Variants in BEST4 observed in about 807,000 individuals in gnomAD.
The protein encoded by BEST4 is bestrophin-4.
BEST4 carries 36 observed loss-of-function variants against 47.1 expected under a neutral mutation model. The ratio of observed to expected loss-of-function variants is 0.76; its 90% CI spans 0.59 to 1.01. The LOEUF is 1.01. BEST4 is among the 50% of genes least tolerant of loss of function. The probability of loss-of-function intolerance (pLI) is 0.00; values close to 1 mark genes in which losing one functional copy is unlikely to be tolerated. For missense variants in BEST4, 550 were observed against 648.6 expected (o/e 0.85, Z 1.65); for synonymous variants, 250 against 277.8 (o/e 0.90, Z 1.00).
In BEST4 at chr1:44,785,136, T is replaced by C; in HGVS notation, c.884A>G (p.Gln295Arg). 3 of 1,613,960 alleles carry C rather than the reference T, an allele frequency of 1.9e-6. No homozygotes were observed. The highest frequency in any genetic ancestry group is 2.5e-6 in the Non-Finnish European group (3 of 1,179,948). ...DMYVPLTTLL[Q>R]FFFYAGWLKV... Reference sequence around the variant, plus strand: ...GAGCCAGCCAGCATAGAAGAAGAACTGCAGCAGAGTGGTGAGAGGCACGTA... The same window carrying C: ...GAGCCAGCCAGCATAGAAGAAGAACCGCAGCAGAGTGGTGAGAGGCACGTA... Residue 295 changes from glutamine to arginine, a missense_variant, in exon 6 of 9, where the codon CAG becomes CGG. Around this residue, in one of 3 missense-constraint regions of BEST4, gnomAD observed 255 missense variants for 286.6 expected, o/e 0.89. Coordinates refer to ENST00000372207, the MANE Select transcript of BEST4 (RefSeq NM_153274.3).
At chr1:44,789,030 G>A (rs1651334811), upstream of BEST4, among the ~76,000 whole-genome samples, 1 of 152,004 alleles carries the variant, frequency 6.6e-6, no homozygotes, top group Admixed American at 6.6e-5. Context: ...CAACGCAGGT[G>A]GATCACTTGA....
In BEST4 at chr1:44,784,513, G is replaced by T; in HGVS notation, c.1149-30C>A. ...GGGCGGGAGGGCGGGCTGAGCCGGGGCACAGGGCGGGAGCGGGGACGCGGG... is the reference window on the plus strand; with the variant it reads ...GGGCGGGAGGGCGGGCTGAGCCGGGTCACAGGGCGGGAGCGGGGACGCGGG... On this transcript the variant is annotated intron_variant, in intron 8 of 8. Transcript: ENST00000372207. The surrounding 1 kb of genome is among the most constrained non-coding windows in gnomAD (Gnocchi z 6.2). 1 of 1,483,920 alleles carries T rather than the reference G, an allele frequency of 6.7e-7. No homozygotes were observed. Among genetic ancestry groups the T allele is most frequent in the Non-Finnish European group, 8.9e-7 (1 of 1,120,184 alleles). 91.9% of individuals were successfully genotyped at this position (1,483,920 alleles called of 1,614,324 possible). A position where few individuals can be genotyped will look rare whatever the true frequency, so the allele number is the denominator to read the frequency against.
chr1:44,785,438 A>T, intron 5 of BEST4, 133 bp from the exon 6 acceptor site: 1 of 1,233,602 alleles, frequency 8.1e-7, no homozygotes, highest in Non-Finnish European at 1.1e-6. Context: ...ACCAGTGGGG[A>T]CAGGGTCACC....
upstream of BEST4, among the ~76,000 whole-genome samples, chr1:44,792,143 G>A (rs535318958): frequency 3.9e-5 from 6 of 152,314 alleles, no homozygotes; most frequent in Admixed American, 6.5e-5. Context: ...TCCGGAGGCT[G>A]AGACAGAAGA....
chr1:44,787,306 C>T, intron 2 of BEST4, 66 bp downstream of exon 2: 2 of 1,534,542 alleles, frequency 1.3e-6, no homozygotes, highest in South Asian at 2.2e-5. Flanking sequence ...TCGGAGCTGT[C>T]AACCCAACCC....
upstream of BEST4, among the ~76,000 whole-genome samples, chr1:44,790,561 C>A (rs559753912): frequency 1.3e-5 from 2 of 152,094 alleles, no homozygotes; most frequent in Non-Finnish European, 2.9e-5. Flanking sequence ...GATCTGTTTA[C>A]AGGGAGATCT....
upstream of BEST4, among the ~76,000 whole-genome samples, chr1:44,788,194 A>G (rs1349633635): frequency 1.3e-5 from 2 of 152,118 alleles, no homozygotes; most frequent in Non-Finnish European, 2.9e-5. Context: ...ACCCCCACAG[A>G]CTTAAGTACC....
rs1056895625 is a variant in BEST4, at chr1:44,786,714, T to C, written c.248-18A>G. 1.3e-6 allele frequency: 2 copies of C among 1,535,840 alleles called. No homozygotes were observed. Among genetic ancestry groups the C allele is most frequent in the African/African-American group, 2.8e-5 (2 of 72,692 alleles). ...ATAGAAACCTGCTTGGCCGCCGTGA[T>C]AGAGGGAGTAGGAAGGGAGAGTGGA... On this transcript the variant is annotated intron_variant, in intron 2 of 8. Transcript: ENST00000372207. This position sits in a 1 kb window ranked among gnomAD's most constrained non-coding sequence, Gnocchi z 4.9.
downstream of BEST4, among the ~76,000 whole-genome samples, chr1:44,782,235 GAA>G (rs66802601): frequency 3.0e-3 from 390 of 128,158 alleles, 2 homozygotes; most frequent in African/African-American, 9.8e-3. Flanking sequence ...AAAAGCTGCA[GAA>G]AAAAAAAAAA....
At chr1:44,783,399 A>C (rs1250139958), downstream of BEST4, among the ~76,000 whole-genome samples, 1 of 151,836 alleles carries the variant, frequency 6.6e-6, no homozygotes, top group East Asian at 1.9e-4. Context: ...ACACAAGTCC[A>C]AATGCTAGGT....
rs1346410974 is a variant in BEST4 at position 44,784,755 on chromosome 1, T to C, written c.1022A>G (p.Tyr341Cys). 1 of 1,598,864 alleles carries C rather than the reference T, an allele frequency of 6.3e-7. No individual in the cohort carries two copies. Among genetic ancestry groups the C allele is most frequent in the South Asian group, 1.1e-5 (1 of 88,846 alleles). The change falls in exon 8 of 9, where the codon TAC becomes TGC. Residue 341 changes from tyrosine (Y) to cysteine (C), a missense_variant. This residue lies in a region of BEST4 where 255 missense variants were observed against 286.6 expected (regional missense o/e 0.89). Coordinates refer to ENST00000372207, the MANE Select transcript of BEST4 (RefSeq NM_153274.3). The surrounding 1 kb of genome is among the most constrained non-coding windows in gnomAD (Gnocchi z 6.2). ...QVSLLSVDEMYQNLPPAEKDQ... is the reference protein window; with the variant it reads ...QVSLLSVDEMCQNLPPAEKDQ... Reference sequence around the variant, plus strand: ...CTTCTCAGCGGGGGGAAGGTTCTGGTACATTTCGTCCACGGATAGCAGGGA... The same window carrying C: ...CTTCTCAGCGGGGGGAAGGTTCTGGCACATTTCGTCCACGGATAGCAGGGA...
rs765967549 is a variant in BEST4 at position 44,784,835 on chromosome 1, C to G, written c.994-52G>C. On this transcript the variant is annotated intron_variant, in intron 7 of 8. Transcript: ENST00000372207. This position sits in a 1 kb window ranked among gnomAD's most constrained non-coding sequence, Gnocchi z 6.2. Reference sequence around the variant, plus strand: ...CCTCCTCTCCTCTCCTTCCCACGGCCGGGCTGAGAGCTGACCGGGAGAGGG... The same window carrying G: ...CCTCCTCTCCTCTCCTTCCCACGGCGGGGCTGAGAGCTGACCGGGAGAGGG... 2.5e-6 allele frequency: 4 copies of G among 1,605,954 alleles called. No homozygotes were observed. The highest frequency in any genetic ancestry group is 2.2e-5 in the South Asian group (2 of 90,164).
upstream of BEST4, among the ~76,000 whole-genome samples, chr1:44,789,256 AAAGAAAAGAAAGAAAG>A (rs1351469915): frequency 7.0e-6 from 1 of 143,636 alleles, no homozygotes; most frequent in African/African-American, 2.6e-5. Context: ...AAAAAAAAAA[AAAGAAAAGAAAGAAAG>A]AAAAAGAAAA....
At chr1:44,789,613 G>A (rs1438782218), upstream of BEST4, among the ~76,000 whole-genome samples, 3 of 152,106 alleles carry the variant, frequency 2.0e-5, no homozygotes, top group Admixed American at 6.5e-5. Flanking sequence ...CAGAAGAATC[G>A]CTTGAACCTG....
In BEST4 at chr1:44,783,648, A is replaced by G; in HGVS notation, c.*562T>C. On this transcript the variant is annotated 3_prime_UTR_variant, in exon 9 of 9. Transcript: ENST00000372207. ...AACTTTAACATTACAAACAAGGCAAAAGTCCCCCAGCACACACTGACCCTT... is the reference window on the plus strand; with the variant it reads ...AACTTTAACATTACAAACAAGGCAAGAGTCCCCCAGCACACACTGACCCTT... 1 of 152,356 alleles carries G rather than the reference A, an allele frequency of 6.6e-6. No homozygotes were observed. The highest frequency in any genetic ancestry group is 2.4e-5 in the African/African-American group (1 of 41,442). 9.4% of individuals were successfully genotyped at this position (152,356 alleles called of 1,614,324 possible).
At chr1:44,789,768 C>T (rs1651363781), upstream of BEST4, among the ~76,000 whole-genome samples, 1 of 152,118 alleles carries the variant, frequency 6.6e-6, no homozygotes, top group Admixed American at 6.6e-5. Flanking sequence ...GAATTGGCAG[C>T]TTACTTACCC....
chr1:44,784,480 C>G lies in BEST4; in HGVS notation c.1152G>C (p.Met384Ile). The change falls in exon 9 of 9, where the codon ATG (methionine) becomes ATC (isoleucine). Residue 384 changes from methionine to isoleucine, a missense_variant. By Grantham distance (10) the Met-to-Ile change is conservative. Around this residue, in one of 3 missense-constraint regions of BEST4, gnomAD observed 255 missense variants for 286.6 expected, o/e 0.89. Coordinates refer to ENST00000372207, the MANE Select transcript of BEST4 (RefSeq NM_153274.3). This position sits in a 1 kb window ranked among gnomAD's most constrained non-coding sequence, Gnocchi z 6.2. ...GCAGGCTCTGCTCAGGGTCGTCGCT[C>G]ATGCTGCGGGCGGGAGGGCGGGCTG... ...SFLGSTFNLRMSDDPEQSLQV... is the reference protein window; with the variant it reads ...SFLGSTFNLRISDDPEQSLQV... 8.7e-7 allele frequency: 1 copy of G among 1,148,180 alleles called. No individual in the cohort carries two copies. The highest frequency in any genetic ancestry group is 1.5e-5 in the South Asian group (1 of 66,152). 71.1% of individuals were successfully genotyped at this position (1,148,180 alleles called of 1,614,324 possible). A position where few individuals can be genotyped will look rare whatever the true frequency, so the allele number is the denominator to read the frequency against.
chr1:44,787,443 C>T lies in BEST4; in HGVS notation c.176G>A (p.Arg59Lys). Residue 59 changes from arginine to lysine, a missense_variant, in exon 2 of 9, where the codon AGG becomes AAG. This residue lies in a region of BEST4 where 291 missense variants were observed against 342.4 expected (regional missense o/e 0.85). Transcript: ENST00000372207. ...CCGGGCCACCTGAGCATACACGTAC[C>T]TCTGCTCCTGGGTCAGCAGCAGCCT... is the stretch of plus-strand genomic sequence containing the variant. ...TYRLLLTQEQ[R>K]YVYAQVARYC... 6.2e-7 allele frequency: 1 copy of T among 1,614,170 alleles called. No individual in the cohort carries two copies. The highest frequency in any genetic ancestry group is 8.5e-7 in the Non-Finnish European group (1 of 1,180,014).
chr1:44,782,100 G>A (rs1047299719), downstream of BEST4, among the ~76,000 whole-genome samples: 16 of 152,218 alleles, frequency 1.1e-4, no homozygotes, highest in African/African-American at 3.9e-4. Flanking sequence ...GGGAGGTGGA[G>A]GTTGCAGTGA....
Sources: gnomAD v4.1 joint callset for allele counts (sites outside exome capture counted in the v4.1 genomes callset) on GRCh38, gnomAD v4.1.1 for gene constraint, gnomAD v4.1.1 regional missense constraint, Gnocchi (gnomAD v3.1) non-coding constraint, MANE v1.5 for transcripts, NCBI Gene and HGNC (gene_info 2026-07-23, HGNC 2026-07-21) for gene names.